Variants in G3BP2 observed in about 807,000 individuals in gnomAD.
G3BP2 encodes ras GTPase-activating protein-binding protein 2.
In G3BP2, 11 loss-of-function variants were observed where a neutral mutation model predicts 56.7. The ratio of observed to expected loss-of-function variants is 0.19; its 90% CI spans 0.12 to 0.32. The LOEUF (loss-of-function observed/expected upper bound fraction) is 0.32. Ranked by LOEUF, G3BP2 falls within the 10% of genes least tolerant of loss-of-function variation. The pLI is 1.00. For missense variants in G3BP2, 340 were observed against 610.9 expected, an observed-to-expected ratio of 0.56 and a Z score of 4.67; for synonymous variants, 165 against 191.6, an observed-to-expected ratio of 0.86 and a Z score of 1.15.
chr4:75,678,180 T>A (rs1560409624), upstream of G3BP2, among the ~76,000 whole-genome samples: 2 of 152,178 alleles, frequency 1.3e-5, no homozygotes, highest in Admixed American at 6.5e-5. Context: ...TGAGACAGGT[T>A]CTTGCTTTGT....
chr4:75,644,010 G>A lies in G3BP2; in HGVS notation c.*1420C>T, dbSNP rs978933812. 3 of 152,530 alleles carry A rather than the reference G, an allele frequency of 2.0e-5. No individual in the cohort carries two copies. Among genetic ancestry groups the A allele is most frequent in the African/African-American group, 7.2e-5 (3 of 41,392 alleles). 9.4% of individuals were successfully genotyped at this position (152,530 alleles called of 1,614,324 possible). ...CAGACTTAAATTCAGGAGCCACTCG[G>A]GTGCTGACATCAGTTCAAGAATTGT... On this transcript the variant is annotated 3_prime_UTR_variant, in exon 12 of 12. Transcript: ENST00000359707.
Position 75,673,371 on chromosome 4 carries a change from C to T in G3BP2, c.-188G>A. 8.1e-7 allele frequency: 1 copy of T among 1,231,078 alleles called. No homozygotes were observed. The allele number at this position is 1,231,078 out of a possible 1,614,324, so 76.3% of individuals were successfully genotyped here. On this transcript the variant is annotated 5_prime_UTR_variant, in exon 1 of 12. Coordinates refer to ENST00000359707, the MANE Select transcript of G3BP2 (RefSeq NM_203505.3). ...CGTCTGCCTCACAACCACCTCTTCCCGGGCGCCAGGCGCTGCGACGTGCGA... is the reference window on the plus strand; with the variant it reads ...CGTCTGCCTCACAACCACCTCTTCCTGGGCGCCAGGCGCTGCGACGTGCGA...
chr4:75,717,028 G>C (rs1490312544), intron 3 of G3BP2, among the ~76,000 whole-genome samples: 1 of 152,110 alleles, frequency 6.6e-6, no homozygotes, highest in African/African-American at 2.4e-5. Flanking sequence ...CAAACCACCT[G>C]CCTATGCCAG....
chr4:75,690,774 G>C (rs2149080848), intron 3 of G3BP2, among the ~76,000 whole-genome samples: 1 of 152,214 alleles, frequency 6.6e-6, no homozygotes, highest in African/African-American at 2.4e-5. Context: ...ATGTTGGCCA[G>C]AGTAGTCTCA....
At chr4:75,720,973 C>CA (rs143804378) in intron 2 of G3BP2, among the ~76,000 whole-genome samples, 10,357 of 69,438 alleles carry the variant, frequency 0.15, 997 homozygotes, top group South Asian at 0.33. Context: ...TTCATCTCTA[C>CA]AAAAAAAAAA....
chr4:75,673,595 CG>C, upstream of G3BP2: 1 of 1,231,822 alleles, frequency 8.1e-7, no homozygotes, highest in Non-Finnish European at 1.0e-6. Context: ...CCCGGAAAGC[CG>C]GGGAACCGGA....
At chr4:75,710,601 G>C (rs894795089) in intron 3 of G3BP2, among the ~76,000 whole-genome samples, 2 of 152,148 alleles carry the variant, frequency 1.3e-5, no homozygotes, top group African/African-American at 2.4e-5. Context: ...CTGCTCACTA[G>C]CCGCTTATTT....
At chr4:75,660,346 T>C (rs940316988) in intron 2 of G3BP2, among the ~76,000 whole-genome samples, 1 of 152,182 alleles carries the variant, frequency 6.6e-6, no homozygotes, top group Non-Finnish European at 1.5e-5. Flanking sequence ...CATTTTGCAT[T>C]TATTTGAGGG....
intron 3 of G3BP2, among the ~76,000 whole-genome samples, chr4:75,702,612 T>C (rs895212530): frequency 2.0e-5 from 3 of 152,244 alleles, no homozygotes; most frequent in Non-Finnish European, 4.4e-5. Flanking sequence ...AGTTTTTCTA[T>C]ACAGGTGCAA....
intron 3 of G3BP2, among the ~76,000 whole-genome samples, chr4:75,712,604 G>A (rs1198514505): frequency 2.0e-5 from 3 of 152,128 alleles, no homozygotes; most frequent in Non-Finnish European, 2.9e-5. Flanking sequence ...TTATAAAGCT[G>A]AGCAAATGCC....
intron 1 of G3BP2, among the ~76,000 whole-genome samples, chr4:75,669,783 T>C (rs1733339946): frequency 1.3e-5 from 2 of 152,220 alleles, no homozygotes; most frequent in African/African-American, 4.8e-5. Context: ...CTACTATGTA[T>C]GTACCAGAAA....
chr4:75,659,221 GA>G (rs1308967811), intron 2 of G3BP2, among the ~76,000 whole-genome samples: 1 of 152,136 alleles, frequency 6.6e-6, no homozygotes, highest in Non-Finnish European at 1.5e-5. Flanking sequence ...TTGTTAAGTG[GA>G]AAAATCGGAT....
At chr4:75,652,133 G>C (rs1731741321) in intron 8 of G3BP2, among the ~76,000 whole-genome samples, 1 of 152,002 alleles carries the variant, frequency 6.6e-6, no homozygotes, top group African/African-American at 2.4e-5. Context: ...TTATTAAAGG[G>C]GTGGCATAGG....
intron 3 of G3BP2, among the ~76,000 whole-genome samples, chr4:75,658,433 A>G (rs556879189): frequency 9.6e-4 from 79 of 82,432 alleles, no homozygotes; most frequent in African/African-American, 2.6e-3. Context: ...CATATTGGGG[A>G]AAAAAAAAAA....
At chr4:75,718,450 G>C (rs1720015236) in intron 3 of G3BP2, among the ~76,000 whole-genome samples, 1 of 152,062 alleles carries the variant, frequency 6.6e-6, no homozygotes, top group Admixed American at 6.6e-5. Flanking sequence ...ATACACTAGT[G>C]ATAAGGCTGG....
intron 8 of G3BP2, 106 bp from the exon 9 acceptor site, chr4:75,648,847 T>C (rs749019467): frequency 1.6e-5 from 10 of 631,930 alleles, no homozygotes; most frequent in Non-Finnish European, 2.8e-5. Context: ...TAGTTTTAAG[T>C]TTAGAATGTT....
chr4:75,645,347 T>C lies in G3BP2; in HGVS notation c.*83A>G, dbSNP rs1731137534. 7.5e-7 allele frequency: 1 copy of C among 1,341,294 alleles called. No individual in the cohort carries two copies. Among genetic ancestry groups the C allele is most frequent in the Admixed American group, 2.2e-5 (1 of 44,658 alleles). 83.1% of individuals were successfully genotyped at this position (1,341,294 alleles called of 1,614,324 possible). A position where few individuals can be genotyped will look rare whatever the true frequency, so the allele number is the denominator to read the frequency against. ...AAATGATCAAAAAGGCTGTGTCACA[T>C]TCCAAAGCCAAAAAAAAAATTAACA... On this transcript the variant is annotated 3_prime_UTR_variant, in exon 12 of 12. Transcript: ENST00000359707.
At chr4:75,693,808 G>T (rs1718979937) in intron 3 of G3BP2, among the ~76,000 whole-genome samples, 1 of 150,538 alleles carries the variant, frequency 6.6e-6, no homozygotes, top group Admixed American at 6.6e-5. Context: ...AAAAGAGCTG[G>T]ACTGCAACCT....
At chr4:75,656,617 C>T (rs555151210) in intron 5 of G3BP2, among the ~76,000 whole-genome samples, 1 of 152,158 alleles carries the variant, frequency 6.6e-6, no homozygotes, top group South Asian at 2.1e-4. Flanking sequence ...AGTGTAATTC[C>T]ACATTTATAA....
Sources: allele counts gnomAD v4.1 joint callset (sites outside exome capture counted in the v4.1 genomes callset), GRCh38; gene constraint gnomAD v4.1.1; transcripts MANE v1.5; gene names NCBI Gene and HGNC (gene_info 2026-07-23, HGNC 2026-07-21).